The following CRACD variants were observed in gnomAD, a reference collection of about 807,000 sequenced individuals.
CRACD encodes the protein capping protein inhibiting regulator of actin dynamics, also known as capping protein-inhibiting regulator of actin dynamics.
Under a neutral mutation model 106.8 loss-of-function variants are expected in CRACD, and 56 were observed. The ratio of observed to expected loss-of-function variants is 0.52; its 90% CI spans 0.42 to 0.66. CRACD has a LOEUF of 0.66. Ranked by LOEUF, CRACD falls within the 30% of genes least tolerant of loss-of-function variation. The pLI is 0.00. For missense variants in CRACD, 1,730 were observed against 1,623.2 expected (o/e 1.07, Z -1.13); for synonymous variants, 754 against 670.8 (o/e 1.12, Z -1.92).
chr4:56,179,682 T>C (rs957211203), intron 2 of CRACD, among the ~76,000 whole-genome samples: 6 of 152,132 alleles, frequency 3.9e-5, no homozygotes, highest in African/African-American at 1.2e-4. Context: ...GAAAGTTTCA[T>C]GGGAAAAGGT....
intron 3 of CRACD, among the ~76,000 whole-genome samples, chr4:56,290,011 G>A (rs940270143): frequency 3.3e-5 from 5 of 152,266 alleles, no homozygotes; most frequent in Admixed American, 2.0e-4. Context: ...AGTGGCTGTT[G>A]GCTGTGTGAG....
intron 1 of CRACD, among the ~76,000 whole-genome samples, chr4:56,084,194 C>G (rs1020699535): frequency 6.6e-6 from 1 of 152,184 alleles, no homozygotes; most frequent in Non-Finnish European, 1.5e-5. Flanking sequence ...AATAATACTA[C>G]ATAGTTTAAA....
Position 56,313,403 on chromosome 4 carries a change from A to G in CRACD, c.537+24A>G, listed in dbSNP as rs1234544213. 7.5e-6 allele frequency: 12 copies of G among 1,597,028 alleles called. 1 individual carries two copies. The South Asian group carries it at 1.2e-4, about 16-fold the overall frequency. ...AGGTGTGTAGAGCCTGCACGGGCTGACCAGGCAGGTGCCCTTGCCTACTGG... is the reference window on the plus strand; with the variant it reads ...AGGTGTGTAGAGCCTGCACGGGCTGGCCAGGCAGGTGCCCTTGCCTACTGG... On this transcript the variant is annotated intron_variant, in intron 7 of 10. Coordinates refer to ENST00000682029, the MANE Select transcript of CRACD (RefSeq NM_001393381.1).
At chr4:56,069,316 G>T (rs1448455523) in intron 1 of CRACD, among the ~76,000 whole-genome samples, 1 of 152,218 alleles carries the variant, frequency 6.6e-6, no homozygotes, top group Admixed American at 6.5e-5. Flanking sequence ...AGTGAGCTTG[G>T]ATTTCATGGA....
intron 9 of CRACD, 115 bp downstream of exon 9, chr4:56,323,682 C>A: frequency 1.0e-6 from 1 of 1,002,562 alleles, no homozygotes; most frequent in Non-Finnish European, 1.4e-6. Context: ...TTAGAGAGGG[C>A]CAAGCAGTAA....
chr4:56,152,583 A>G (rs1014753947), intron 1 of CRACD, among the ~76,000 whole-genome samples: 11 of 151,980 alleles, frequency 7.2e-5, no homozygotes, highest in African/African-American at 2.4e-4. Flanking sequence ...TAAAAAAAGC[A>G]TTAATGCAGT....
intron 2 of CRACD, among the ~76,000 whole-genome samples, chr4:56,250,674 G>C (rs1443310491): frequency 6.6e-6 from 1 of 152,130 alleles, no homozygotes; most frequent in Non-Finnish European, 1.5e-5. Context: ...CACTGCCAGG[G>C]ATTAACTGTG....
intron 1 of CRACD, among the ~76,000 whole-genome samples, chr4:56,152,389 T>A (rs2109892276): frequency 6.6e-6 from 1 of 151,934 alleles, no homozygotes; most frequent in East Asian, 1.9e-4. Flanking sequence ...ATCCTAGCAC[T>A]TTGGGAGGCT....
intron 2 of CRACD, among the ~76,000 whole-genome samples, chr4:56,209,496 C>A (rs997360666): frequency 2.0e-5 from 3 of 152,006 alleles, no homozygotes; most frequent in African/African-American, 7.2e-5. Flanking sequence ...ACTACATGAA[C>A]TCTTTAACCC....
intron 1 of CRACD, among the ~76,000 whole-genome samples, chr4:56,171,957 G>T (rs997077313): frequency 6.7e-6 from 1 of 149,574 alleles, no homozygotes; most frequent in African/African-American, 2.4e-5. Context: ...GGGAAGGCAG[G>T]AGATGGAGGA....
rs188659922 is a variant in CRACD, at chr4:56,148,884, C to T, written c.-335-30400C>T. 1.1e-3 allele frequency among the ~76,000 whole-genome samples: 159 copies of T among 151,282 alleles called. 1 individual carries two copies. The highest frequency in any genetic ancestry group is 3.4e-3 in the Middle Eastern group (1 of 294). ...AGGCTGGAGTGCAGTGGCGTGATCTCGGCTCGCTGCAACTGCCGCCTCCCA... is the reference window on the plus strand; with the variant it reads ...AGGCTGGAGTGCAGTGGCGTGATCTTGGCTCGCTGCAACTGCCGCCTCCCA... On this transcript the variant is annotated intron_variant, in intron 1 of 10. Transcript: ENST00000682029.
chr4:56,155,292 G>A (rs1735730271), intron 1 of CRACD, among the ~76,000 whole-genome samples: 1 of 152,160 alleles, frequency 6.6e-6, no homozygotes, highest in African/African-American at 2.4e-5. Context: ...CTTTGACATT[G>A]CGTATTTCAT....
intron 3 of CRACD, among the ~76,000 whole-genome samples, chr4:56,281,415 T>C (rs906057502): frequency 6.6e-6 from 1 of 152,108 alleles, no homozygotes; most frequent in African/African-American, 2.4e-5. Flanking sequence ...TGGGGACTGC[T>C]GAGGTATAGC....
At chr4:56,290,856 C>T (rs1482339876) in intron 3 of CRACD, among the ~76,000 whole-genome samples, 2 of 152,164 alleles carry the variant, frequency 1.3e-5, no homozygotes, top group Non-Finnish European at 2.9e-5. Flanking sequence ...GGCTGTGATT[C>T]TTTTCTAGGC....
At chr4:56,223,936 T>G (rs1176901866) in intron 2 of CRACD, among the ~76,000 whole-genome samples, 1 of 152,096 alleles carries the variant, frequency 6.6e-6, no homozygotes, top group Non-Finnish European at 1.5e-5. Flanking sequence ...TTTTTTAATT[T>G]TTTGTGGAGA....
chr4:56,289,567 G>A (rs535669174), intron 3 of CRACD, among the ~76,000 whole-genome samples: 2 of 152,162 alleles, frequency 1.3e-5, no homozygotes, highest in African/African-American at 2.4e-5. Context: ...CAGCTACTTG[G>A]GAGGCTGAGG....
chr4:56,124,041 C>T (rs2109857399), intron 1 of CRACD, among the ~76,000 whole-genome samples: 1 of 152,116 alleles, frequency 6.6e-6, no homozygotes, highest in Non-Finnish European at 1.5e-5. Flanking sequence ...AGGTTCAAGC[C>T]ATTGTCCCGC....
chr4:56,169,649 A>G (rs1736281347), intron 1 of CRACD, among the ~76,000 whole-genome samples: 1 of 152,042 alleles, frequency 6.6e-6, no homozygotes, highest in Admixed American at 6.6e-5. Flanking sequence ...GGTGCACACC[A>G]CCACACCCAG....
chr4:56,257,371 C>T (rs1049069615), intron 2 of CRACD, among the ~76,000 whole-genome samples: 2 of 151,902 alleles, frequency 1.3e-5, no homozygotes, highest in Admixed American at 6.6e-5. Flanking sequence ...CGTGAGCCAC[C>T]GTGCCTGGCC....
Sources: gnomAD v4.1 joint callset for allele counts (sites outside exome capture counted in the v4.1 genomes callset) on GRCh38, gnomAD v4.1.1 for gene constraint, MANE v1.5 for transcripts, NCBI Gene and HGNC (gene_info 2026-07-23, HGNC 2026-07-21) for gene names.